Variants in ESRRB observed in about 807,000 individuals in gnomAD.
ESRRB encodes steroid hormone receptor ERR2.
In ESRRB, 16 loss-of-function variants were observed where a neutral mutation model predicts 46.0. The ratio of observed to expected loss-of-function variants is 0.35; its 90% CI spans 0.24 to 0.53. The LOEUF (loss-of-function observed/expected upper bound fraction) is 0.53, where lower values mean the gene tolerates loss of function less well. ESRRB is among the 20% of genes least tolerant of loss of function. ESRRB has a pLI of 0.93. For missense variants in ESRRB, 488 were observed against 607.4 expected (o/e 0.80, Z 2.07); for synonymous variants, 246 against 259.6 (o/e 0.95, Z 0.50).
chr14:76,432,919 C>T lies in ESRRB; in HGVS notation c.51-6422C>T, dbSNP rs371166409. On this transcript the variant is annotated intron_variant, in intron 1 of 6. Coordinates refer to ENST00000644823, the MANE Select transcript of ESRRB (RefSeq NM_001379180.1). ...TGAACTCCTGGCCTCAAGTCATCTG[C>T]CCACCTTAGCCTCCCAAAGTGCTGA... Among the ~76,000 whole-genome samples, 12 of 152,200 alleles carry T rather than the reference C, an allele frequency of 7.9e-5. No individual in the cohort carries two copies. The East Asian group carries it at 1.7e-3, about 22-fold the overall frequency.
intron 1 of ESRRB, among the ~76,000 whole-genome samples, chr14:76,411,449 CA>C (rs34548322): frequency 0.011 from 1,607 of 148,452 alleles, 15 homozygotes; most frequent in Non-Finnish European, 0.016. Context: ...CTCCATCTTC[CA>C]AAAAAAAAAC....
chr14:76,355,269 G>A (rs1426819006), intron 1 of ESRRB, among the ~76,000 whole-genome samples: 1 of 152,166 alleles, frequency 6.6e-6, no homozygotes, highest in Non-Finnish European at 1.5e-5. Context: ...GCTCTATAGG[G>A]CAGCTTGGGA....
intron 2 of ESRRB, among the ~76,000 whole-genome samples, chr14:76,447,839 T>C (rs987480256): frequency 1.3e-5 from 2 of 152,056 alleles, no homozygotes; most frequent in African/African-American, 4.8e-5. Flanking sequence ...CACCGCTGAC[T>C]CCCACCGCTT....
rs556474679 is a variant in ESRRB at position 76,390,665 on chromosome 14, A to T, written c.50+14214A>T. On this transcript the variant is annotated intron_variant, in intron 1 of 6. Transcript: ENST00000644823. ...ATGACGTGCCAGGTAGAGGAATGTA[A>T]GTTTTATTTCTAGAGCATAAGGTTC... Among the ~76,000 whole-genome samples, 14 of 152,270 alleles carry T rather than the reference A, an allele frequency of 9.2e-5. No individual in the cohort carries two copies. In the East Asian group the frequency reaches 2.7e-3, roughly 29 times the overall value.
chr14:76,464,177 G>A (rs535342665), intron 3 of ESRRB, among the ~76,000 whole-genome samples: 1 of 152,324 alleles, frequency 6.6e-6, no homozygotes, highest in Admixed American at 6.5e-5. Context: ...GAAAAGAGGT[G>A]TGTGGGGGTG....
intron 1 of ESRRB, among the ~76,000 whole-genome samples, chr14:76,326,964 A>T (rs1883937328): frequency 6.6e-6 from 1 of 152,258 alleles, no homozygotes; most frequent in Non-Finnish European, 1.5e-5. Context: ...TCGGGACCCC[A>T]TGCCCAGTTT....
At chr14:76,491,235 C>T (rs764565084) in intron 5 of ESRRB, among the ~76,000 whole-genome samples, 12 of 152,330 alleles carry the variant, frequency 7.9e-5, no homozygotes, top group Admixed American at 3.3e-4. Context: ...TTTTGTAAGT[C>T]TTTTCCGTGA....
intron 1 of ESRRB, among the ~76,000 whole-genome samples, chr14:76,431,267 C>T (rs1250156574): frequency 6.6e-6 from 1 of 152,154 alleles, no homozygotes. Context: ...GCACTCCAGC[C>T]TGGATGACAG....
At chr14:76,390,399 G>A (rs1484487585) in intron 1 of ESRRB, among the ~76,000 whole-genome samples, 1 of 152,104 alleles carries the variant, frequency 6.6e-6, no homozygotes, top group Non-Finnish European at 1.5e-5. Flanking sequence ...TGAGGCAGGA[G>A]GATCACTTGA....
chr14:76,403,521 G>T (rs1405388390), intron 1 of ESRRB, among the ~76,000 whole-genome samples: 4 of 152,230 alleles, frequency 2.6e-5, no homozygotes, highest in African/African-American at 9.6e-5. Flanking sequence ...GACTTTGCAT[G>T]AGGGTAAGAT....
At chr14:76,462,245 A>T (rs1001240641) in intron 2 of ESRRB, among the ~76,000 whole-genome samples, 1 of 152,134 alleles carries the variant, frequency 6.6e-6, no homozygotes, top group Non-Finnish European at 1.5e-5. Context: ...TCCTGGAGTA[A>T]AAGGCCAGCT....
intron 1 of ESRRB, among the ~76,000 whole-genome samples, chr14:76,351,993 A>T (rs1884319389): frequency 8.2e-6 from 1 of 122,084 alleles, no homozygotes; most frequent in South Asian, 3.1e-4. Context: ...TCTTAAAAAA[A>T]AAAAAAAAAA....
In ESRRB at chr14:76,456,086, G is replaced by T. The variant is rs112150913; in HGVS notation, c.461-6459G>T. Among the ~76,000 whole-genome samples, 99 of 94,636 alleles carry T rather than the reference G, an allele frequency of 1.0e-3. 1 individual carries two copies. Among genetic ancestry groups the T allele is most frequent in the African/African-American group, 3.9e-3 (91 of 23,068 alleles). The allele number at this position is 94,636 out of a possible 152,430, so 62.1% of individuals were successfully genotyped here. On this transcript the variant is annotated intron_variant, in intron 2 of 6. Transcript: ENST00000644823. ...CACACACACACACACACAAAAGAAA[G>T]AAAAGAAAAGAATTGTCCATCAGGA...
In ESRRB at chr14:76,483,860, T is replaced by C. The variant is rs185972441; in HGVS notation, c.850+1101T>C. ...ATACCAAGACCCACAGTTGTTTGTT[T>C]GTTTGTTTTTTGAGACAGAGTCTTG... On this transcript the variant is annotated intron_variant, in intron 5 of 6. Transcript: ENST00000644823. 2.1e-4 allele frequency among the ~76,000 whole-genome samples: 32 copies of C among 152,208 alleles called. No homozygotes were observed. In the East Asian group the frequency reaches 6.2e-3, roughly 29 times the overall value.
At chr14:76,446,117 GA>G (rs1426567987) in intron 2 of ESRRB, among the ~76,000 whole-genome samples, 1 of 152,210 alleles carries the variant, frequency 6.6e-6, no homozygotes, top group East Asian at 1.9e-4. Flanking sequence ...AGTTTTGTTG[GA>G]ATACAGCCAC....
intron 1 of ESRRB, among the ~76,000 whole-genome samples, chr14:76,351,517 CT>C (rs1884312921): frequency 6.6e-6 from 1 of 152,224 alleles, no homozygotes; most frequent in African/African-American, 2.4e-5. Flanking sequence ...GCTTGCCCTG[CT>C]CCAGTATGGC....
At position 76,462,555 on chromosome 14, in the gene ESRRB, G is replaced by A. The variant is rs769218814; in HGVS notation, c.471G>A (p.Glu157=). 2.1e-5 allele frequency: 34 copies of A among 1,613,846 alleles called. No homozygotes were observed. The highest frequency in any genetic ancestry group is 2.8e-5 in the Non-Finnish European group (33 of 1,179,822). Residue 157 remains glutamate, a synonymous_variant, in exon 3 of 7, where the codon GAG becomes GAA. Transcript: ENST00000644823. The part of the protein sequence containing the change: ...FFKRTIQGNI[E]YSCPATNECE... Reference sequence around the variant, plus strand: ...TGTGTCTGGTTGCAGGGAACATTGAGTACAGCTGCCCGGCCACCAACGAGT... The same window carrying A: ...TGTGTCTGGTTGCAGGGAACATTGAATACAGCTGCCCGGCCACCAACGAGT...
At position 76,399,798 on chromosome 14, in the gene ESRRB, G is replaced by C. The variant is rs116784761; in HGVS notation, c.50+23347G>C. On this transcript the variant is annotated intron_variant, in intron 1 of 6. Coordinates refer to ENST00000644823, the MANE Select transcript of ESRRB (RefSeq NM_001379180.1). Reference sequence around the variant, plus strand: ...ATGAGGAAGGGGACAGCGCTCACTAGGGTGTATAAATACCGGTTGGTCACA... The same window carrying C: ...ATGAGGAAGGGGACAGCGCTCACTACGGTGTATAAATACCGGTTGGTCACA... 1.8e-3 allele frequency among the ~76,000 whole-genome samples: 279 copies of C among 152,314 alleles called. 1 individual carries two copies. Among genetic ancestry groups the C allele is most frequent in the African/African-American group, 6.4e-3 (265 of 41,564 alleles).
At chr14:76,395,201 G>C (rs923609879) in intron 1 of ESRRB, among the ~76,000 whole-genome samples, 1 of 152,140 alleles carries the variant, frequency 6.6e-6, no homozygotes, top group Non-Finnish European at 1.5e-5. Context: ...TGGTCTTCCC[G>C]GGGCCTCATT....
Sources: gnomAD v4.1 joint callset for allele counts (sites outside exome capture counted in the v4.1 genomes callset) on GRCh38, gnomAD v4.1.1 for gene constraint, MANE v1.5 for transcripts, NCBI Gene and HGNC (gene_info 2026-07-23, HGNC 2026-07-21) for gene names.